The following UBAP2 variants were observed in gnomAD, a reference collection of about 807,000 sequenced individuals.
UBAP2 encodes ubiquitin associated protein 2, also known as ubiquitin-associated protein 2.
Under a neutral mutation model 139.6 loss-of-function variants are expected in UBAP2, and 75 were observed. That is an observed-to-expected ratio of 0.54 (90% CI 0.45 to 0.65). The LOEUF is 0.65. Ranked by LOEUF, UBAP2 falls within the 30% of genes least tolerant of loss-of-function variation. The pLI is 0.00. For missense variants in UBAP2, 1,368 were observed against 1,369.6 expected, an observed-to-expected ratio of 1.00 and a Z score of 0.02; for synonymous variants, 526 against 526.2, an observed-to-expected ratio of 1.00 and a Z score of 0.01.
chr9:34,043,578 G>A (rs1827282082), intron 1 of UBAP2, among the ~76,000 whole-genome samples: 1 of 81,706 alleles, frequency 1.2e-5, no homozygotes, highest in Admixed American at 1.3e-4. Flanking sequence ...CACAATCATA[G>A]CTCACTGTGG....
At chr9:33,979,119 T>C (rs1471173236) in intron 6 of UBAP2, among the ~76,000 whole-genome samples, 1 of 152,114 alleles carries the variant, frequency 6.6e-6, no homozygotes, top group Non-Finnish European at 1.5e-5. Context: ...CCTGCAGTCC[T>C]ATCTACTCAG....
At chr9:33,981,205 G>GATATATATATATATATATTCTGGATAT (rs376947939) in intron 6 of UBAP2, among the ~76,000 whole-genome samples, 37 of 3,682 alleles carry the variant, frequency 0.01, 5 homozygotes, top group South Asian at 0.024. Context: ...ATATATTCTG[G>GATATATATATATATATATTCTGGATAT]ATATATATAT....
chr9:33,934,535 A>G (rs1043604965), intron 17 of UBAP2, among the ~76,000 whole-genome samples: 2 of 152,182 alleles, frequency 1.3e-5, no homozygotes, highest in Non-Finnish European at 2.9e-5. Context: ...AGTCTCTTCC[A>G]TATATAAACC....
chr9:34,003,730 T>G (rs1200352083), intron 2 of UBAP2, among the ~76,000 whole-genome samples: 1 of 149,212 alleles, frequency 6.7e-6, no homozygotes, highest in Non-Finnish European at 1.5e-5. Context: ...TTTCTTTTGT[T>G]TTTTTTTGAG....
chr9:33,999,869 T>C (rs1252054188), intron 2 of UBAP2, among the ~76,000 whole-genome samples: 2 of 70,462 alleles, frequency 2.8e-5, no homozygotes, highest in East Asian at 8.0e-4. Flanking sequence ...TATGTATGTA[T>C]GTATGTATGT....
At chr9:34,007,040 T>C (rs546287992) in intron 2 of UBAP2, among the ~76,000 whole-genome samples, 1 of 152,352 alleles carries the variant, frequency 6.6e-6, no homozygotes, top group Non-Finnish European at 1.5e-5. Context: ...GCAACTTCAC[T>C]GAATTCATTT....
chr9:33,953,525 CAAAT>C, intron 11 of UBAP2, 51 bp from the exon 12 acceptor site: 1 of 1,533,778 alleles, frequency 6.5e-7, no homozygotes, highest in Non-Finnish European at 8.9e-7. Flanking sequence ...ATCTTACCAA[CAAAT>C]GAATGTGAGA....
intron 1 of UBAP2, among the ~76,000 whole-genome samples, chr9:34,041,790 G>A (rs985051011): frequency 2.0e-4 from 30 of 151,740 alleles, no homozygotes; most frequent in Admixed American, 9.8e-4. Flanking sequence ...TTGGGAGGCC[G>A]AAGCAGGCAG....
intron 5 of UBAP2, among the ~76,000 whole-genome samples, chr9:33,987,418 A>T (rs1821315891): frequency 6.6e-6 from 1 of 152,006 alleles, no homozygotes; most frequent in Admixed American, 6.6e-5. Flanking sequence ...TCTCAGAAAA[A>T]ATACAACATA....
At chr9:34,043,640 C>T (rs1405679439) in intron 1 of UBAP2, among the ~76,000 whole-genome samples, 1 of 151,924 alleles carries the variant, frequency 6.6e-6, no homozygotes, top group Non-Finnish European at 1.5e-5. Context: ...ACTCTGGGTA[C>T]ATGCAATCAT....
At position 33,939,978 on chromosome 9, in the gene UBAP2, TAGGAGGG is replaced by T. The variant is rs1310161980; in HGVS notation, c.1929+1664_1929+1670del. ...GAAGGAAGAAGAAGAAAAAATAAGG[TAGGAGGG>T]AGGAGGGTGAGGAGGAGGGGAAAGA... On this transcript the variant is annotated intron_variant, in intron 16 of 28. Coordinates refer to ENST00000379238, the MANE Select transcript of UBAP2 (RefSeq NM_001370062.2). 1.6e-4 allele frequency among the ~76,000 whole-genome samples: 12 copies of T among 73,968 alleles called. No individual in the cohort carries two copies. In the Admixed American group the frequency reaches 1.9e-3, roughly 12 times the overall value. 48.5% of individuals were successfully genotyped at this position (73,968 alleles called of 152,430 possible). A position where few individuals can be genotyped will look rare whatever the true frequency, so the allele number is the denominator to read the frequency against.
chr9:33,984,002 C>G (rs563491743), intron 6 of UBAP2, among the ~76,000 whole-genome samples: 2 of 152,138 alleles, frequency 1.3e-5, no homozygotes, highest in Admixed American at 1.3e-4. Context: ...GCCTCCACTT[C>G]CCCCAGTTCT....
rs748018487 is a variant in UBAP2 at position 33,922,434 on chromosome 9, C to G, written c.*70G>C. 25 of 1,496,302 alleles carry G rather than the reference C, an allele frequency of 1.7e-5. No individual in the cohort carries two copies. The highest frequency in any genetic ancestry group is 2.1e-5 in the Non-Finnish European group (23 of 1,091,840). 92.7% of individuals were successfully genotyped at this position (1,496,302 alleles called of 1,614,324 possible). A position where few individuals can be genotyped will look rare whatever the true frequency, so the allele number is the denominator to read the frequency against. On this transcript the variant is annotated 3_prime_UTR_variant, in exon 29 of 29. Transcript: ENST00000379238. The stretch of plus-strand genomic sequence containing the variant: ...ATTCTAGGAAAGGGCACTGGGCTCC[C>G]AAATACGTGCTCGTGTGTTCTCTCC...
chr9:34,001,733 CCTAACA>C (rs1822720003), intron 2 of UBAP2, among the ~76,000 whole-genome samples: 1 of 152,036 alleles, frequency 6.6e-6, no homozygotes, highest in African/African-American at 2.4e-5. Flanking sequence ...GCCTGTTTTC[CCTAACA>C]CTATTATTTT....
chr9:33,937,470 G>C lies in UBAP2; in HGVS notation c.1930-1592C>G, dbSNP rs568564320. On this transcript the variant is annotated intron_variant, in intron 16 of 28. Coordinates refer to ENST00000379238, the MANE Select transcript of UBAP2 (RefSeq NM_001370062.2). ...AAAACTACAAAAATTAGCTAGGTGG[G>C]GTGACACACACCTGTAGTTCTAGCT... 3.3e-5 allele frequency among the ~76,000 whole-genome samples: 5 copies of C among 151,764 alleles called. No individual in the cohort carries two copies. In the East Asian group the frequency reaches 7.8e-4, roughly 24 times the overall value.
chr9:33,994,293 C>T (rs1314780555), intron 4 of UBAP2, among the ~76,000 whole-genome samples: 1 of 152,002 alleles, frequency 6.6e-6, no homozygotes, highest in Non-Finnish European at 1.5e-5. Context: ...GAAAACTGGA[C>T]ATTTAAAACT....
At chr9:33,988,884 C>A in intron 5 of UBAP2, 89 bp downstream of exon 5, 1 of 1,432,764 alleles carries the variant, frequency 7.0e-7, no homozygotes, top group Non-Finnish European at 9.5e-7. Context: ...GTGACTCATG[C>A]CTGTAATCCC....
At chr9:34,024,067 G>A (rs1406878693) in intron 1 of UBAP2, among the ~76,000 whole-genome samples, 1 of 149,190 alleles carries the variant, frequency 6.7e-6, no homozygotes, top group African/African-American at 2.5e-5. Flanking sequence ...AATAAAAATA[G>A]CAAATACAAG....
intron 2 of UBAP2, among the ~76,000 whole-genome samples, chr9:34,012,640 A>T (rs1276536980): frequency 6.6e-6 from 1 of 151,988 alleles, no homozygotes; most frequent in Non-Finnish European, 1.5e-5. Context: ...CTTGTTTTTT[A>T]AAAAACACTG....
Sources: gnomAD v4.1 joint callset for allele counts (sites outside exome capture counted in the v4.1 genomes callset) on GRCh38, gnomAD v4.1.1 for gene constraint, MANE v1.5 for transcripts, NCBI Gene and HGNC (gene_info 2026-07-23, HGNC 2026-07-21) for gene names.